Variants in AVIL observed in about 807,000 individuals in gnomAD.
The protein encoded by AVIL is advillin.
Under a neutral mutation model 109.9 loss-of-function variants are expected in AVIL, and 78 were observed. The observed-to-expected ratio is 0.71, with a 90% CI of 0.59 to 0.86. The LOEUF (loss-of-function observed/expected upper bound fraction) is 0.86. Ranked by LOEUF, AVIL falls within the 40% of genes least tolerant of loss-of-function variation. The pLI, the probability that AVIL is intolerant of heterozygous loss-of-function variation, is 0.00. For synonymous variants in AVIL, 367 were observed against 379.1 expected, an observed-to-expected ratio of 0.97 and a Z score of 0.37; for missense variants, 892 against 1,016.5, an observed-to-expected ratio of 0.88 and a Z score of 1.67.
intron 16 of AVIL, among the ~76,000 whole-genome samples, chr12:57,802,993 G>A (rs1955880608): frequency 6.6e-6 from 1 of 152,190 alleles, no homozygotes; most frequent in Non-Finnish European, 1.5e-5. Flanking sequence ...ATGATAGGAT[G>A]ATGATAGGAT....
At chr12:57,798,678 A>C (rs902204964) in intron 19 of AVIL, among the ~76,000 whole-genome samples, 1 of 150,648 alleles carries the variant, frequency 6.6e-6, no homozygotes, top group African/African-American at 2.4e-5. Flanking sequence ...GTACAGTGGC[A>C]CAATCTCGGC....
chr12:57,807,195 T>C (rs761998472), intron 13 of AVIL, 136 bp downstream of exon 13: 16 of 1,298,586 alleles, frequency 1.2e-5, no homozygotes, highest in Admixed American at 9.4e-5. Flanking sequence ...CTTAGAGGGA[T>C]TAACCCCCTT....
At chr12:57,814,461 C>G in intron 2 of AVIL, 1 of 516,486 alleles carries the variant, frequency 1.9e-6, no homozygotes, top group Non-Finnish European at 3.5e-6. Flanking sequence ...ATCCTGCTTT[C>G]CCTTGCCCTA....
intron 11 of AVIL, 182 bp downstream of exon 11, chr12:57,808,012 G>C: frequency 1.2e-6 from 1 of 807,098 alleles, no homozygotes; most frequent in East Asian, 2.6e-5. Context: ...GCACATTTGA[G>C]GATGTGCCTT....
At chr12:57,802,052 G>A (rs1955859131) in intron 17 of AVIL, 108 bp downstream of exon 17, 1 of 1,281,698 alleles carries the variant, frequency 7.8e-7, no homozygotes, top group Non-Finnish European at 1.1e-6. Context: ...GTAGGGAAAT[G>A]AGGTCCTGGT....
chr12:57,805,536 G>GT (rs755933666), intron 14 of AVIL, among the ~76,000 whole-genome samples: 4,611 of 142,262 alleles, frequency 0.032, 83 homozygotes, highest in Non-Finnish European at 0.048. Flanking sequence ...CTTTCAGTGA[G>GT]TTTTTTTTTT....
intron 4 of AVIL, among the ~76,000 whole-genome samples, chr12:57,812,309 C>G (rs1415374790): frequency 6.6e-6 from 1 of 152,218 alleles, no homozygotes. Flanking sequence ...GCTGGGATTA[C>G]AGGTGTGAGC....
intron 4 of AVIL, among the ~76,000 whole-genome samples, chr12:57,812,147 C>T (rs184169161): frequency 7.3e-4 from 111 of 152,308 alleles, no homozygotes; most frequent in African/African-American, 2.6e-3. Flanking sequence ...ACCCTCAGCC[C>T]ATGGAGTAGC....
At chr12:57,816,700 C>CTTTTTTTTTTTTTTTTTTTTT (rs11349032) in intron 1 of AVIL, among the ~76,000 whole-genome samples, 2 of 93,490 alleles carry the variant, frequency 2.1e-5, no homozygotes, top group African/African-American at 3.9e-5. Context: ...GGCTTTTGTC[C>CTTTTTTTTTTTTTTTTTTTTT]TTTTTTTTTT....
Position 57,815,888 on chromosome 12 carries a change from T to C in AVIL, c.66+87A>G. The C allele has an allele frequency of 1.9e-6, 3 of 1,597,382 alleles. No individual in the cohort carries two copies. The Admixed American group carries it at 5.2e-5, about 28-fold the overall frequency. ...CCTCAAACCATAGGCTAAGGGGTGC[T>C]GGCGGGCTGTTGCCTAGCAGCCCCA... On this transcript the variant is annotated intron_variant, in intron 2 of 19. Transcript: ENST00000549994.
At chr12:57,800,083 A>C in intron 18 of AVIL, 163 bp from the exon 19 acceptor site, 1 of 921,102 alleles carries the variant, frequency 1.1e-6, no homozygotes, top group South Asian at 1.8e-5. Flanking sequence ...TGTCAGAATC[A>C]TCTGGGAATA....
chr12:57,813,684 C>A (rs1387158561), intron 3 of AVIL, among the ~76,000 whole-genome samples: 1 of 152,222 alleles, frequency 6.6e-6, no homozygotes, highest in Non-Finnish European at 1.5e-5. Flanking sequence ...CAACGGGGAT[C>A]TTTTCCCAGC....
intron 14 of AVIL, chr12:57,805,798 G>C (rs1955934097): frequency 6.7e-6 from 1 of 149,696 alleles, no homozygotes; most frequent in African/African-American, 2.5e-5. Context: ...GCCTCCCAAA[G>C]TGCTGGGATT....
At chr12:57,811,279 G>A in intron 4 of AVIL, 152 bp from the exon 5 acceptor site, 1 of 698,354 alleles carries the variant, frequency 1.4e-6, no homozygotes, top group African/African-American at 1.8e-5. Flanking sequence ...CCCACAAGTA[G>A]ACTGGGTGAG....
At chr12:57,811,228 A>T (rs929011572) in intron 4 of AVIL, 101 bp from the exon 5 acceptor site, 56 of 1,098,764 alleles carry the variant, frequency 5.1e-5, no homozygotes, top group Non-Finnish European at 6.7e-5. Context: ...ATGTGATGAC[A>T]GTACATCAGC....
Position 57,807,642 on chromosome 12 carries a change from AG to A in AVIL, c.1279del (p.Leu427SerfsTer6), listed in dbSNP as rs1474552642. 1 of 1,614,132 alleles carries A rather than the reference AG, an allele frequency of 6.2e-7. No individual in the cohort carries two copies. The highest frequency in any genetic ancestry group is 1.3e-5 in the African/African-American group (1 of 74,940). ...FFYGGDCYLV[L>X]YTYEVNGKPH... Reference sequence around the variant, plus strand: ...CTTCCCATTTACCTCGTATGTGTAGAGGACCAGATAACAGTCTCCCCCATAA... The same window carrying A: ...CTTCCCATTTACCTCGTATGTGTAGAGACCAGATAACAGTCTCCCCCATAA... On this transcript the variant is annotated frameshift_variant, in exon 12 of 20. Transcript: ENST00000549994. LOFTEE classifies it high-confidence loss of function.
chr12:57,807,315 A>G lies in AVIL; in HGVS notation c.1491+16T>C. 3.1e-6 allele frequency: 5 copies of G among 1,613,922 alleles called. No homozygotes were observed. Among genetic ancestry groups the G allele is most frequent in the Non-Finnish European group, 4.2e-6 (5 of 1,179,992 alleles). On this transcript the variant is annotated intron_variant, in intron 13 of 19. Coordinates refer to ENST00000549994, the MANE Select transcript of AVIL (RefSeq NM_006576.4). ...ACGTTCCAGCTCATGGTGTAATTTT[A>G]TCAGAGCATCCTCACCTCAAAGATA...
intron 1 of AVIL, chr12:57,816,276 T>G (rs1300288511): frequency 2.1e-6 from 1 of 485,274 alleles, no homozygotes; most frequent in African/African-American, 2.0e-5. Flanking sequence ...TGAGTTCTGC[T>G]TCCCACCTGC....
At chr12:57,808,102 A>G (rs1391335784) in intron 11 of AVIL, 92 bp downstream of exon 11, 3 of 1,424,068 alleles carry the variant, frequency 2.1e-6, no homozygotes, top group Non-Finnish European at 3.0e-6. Flanking sequence ...GGGAAAGCAA[A>G]GCAGACACAG....
Sources: gnomAD v4.1 joint callset for allele counts (sites outside exome capture counted in the v4.1 genomes callset) on GRCh38, gnomAD v4.1.1 for gene constraint, MANE v1.5 for transcripts, NCBI Gene and HGNC (gene_info 2026-07-23, HGNC 2026-07-21) for gene names.